Variants in DHX57 observed in about 807,000 individuals in gnomAD.
DHX57 encodes putative ATP-dependent RNA helicase DHX57.
A neutral mutation model predicts 156.2 loss-of-function variants in DHX57; 105 were observed. The ratio of observed to expected loss-of-function variants is 0.67; its 90% confidence interval spans 0.57 to 0.79. DHX57 has a LOEUF of 0.79. Ranked by LOEUF, DHX57 falls within the 30% of genes least tolerant of loss-of-function variation. DHX57 has a pLI of 0.00. For synonymous variants in DHX57, 704 were observed against 595.6 expected (o/e 1.18, Z -2.65); for missense variants, 1,847 against 1,661.9 (o/e 1.11, Z -1.94).
At chr2:38,872,096 C>T (rs1665384255) in intron 1 of DHX57, among the ~76,000 whole-genome samples, 1 of 152,188 alleles carries the variant, frequency 6.6e-6, no homozygotes, top group African/African-American at 2.4e-5. Flanking sequence ...ATCGAATTAC[C>T]TGTTATTAGG....
intron 23 of DHX57, among the ~76,000 whole-genome samples, chr2:38,798,662 C>A (rs188993576): frequency 2.6e-5 from 4 of 152,072 alleles, no homozygotes; most frequent in African/African-American, 7.2e-5. Flanking sequence ...AGAAAAGATT[C>A]GGGCCAGGCG....
intron 16 of DHX57, 32 bp downstream of exon 16, chr2:38,825,815 T>G (rs1267478833): frequency 6.2e-7 from 1 of 1,609,658 alleles, no homozygotes; most frequent in Non-Finnish European, 8.5e-7. Flanking sequence ...TTTAGACCTT[T>G]TGGAAGCAAA....
chr2:38,811,750 G>T, intron 21 of DHX57: 2 of 521,126 alleles, frequency 3.8e-6, no homozygotes, highest in Non-Finnish European at 7.0e-6. Context: ...GCAGGCAACA[G>T]AGCAGGGCCC....
intron 21 of DHX57, chr2:38,811,422 C>A (rs1178277208): frequency 1.0e-5 from 6 of 594,248 alleles, no homozygotes; most frequent in Admixed American, 8.1e-5. Flanking sequence ...AGGTAGCAGT[C>A]CTCATACAGG....
Position 38,868,296 on chromosome 2 carries a change from C to G in DHX57, c.110G>C (p.Gly37Ala). The G allele has an allele frequency of 6.2e-7, 1 of 1,614,092 alleles. No homozygotes were observed. Among genetic ancestry groups the G allele is most frequent in the East Asian group, 2.2e-5 (1 of 44,890 alleles). Residue 37 changes from glycine to alanine, a missense_variant, in exon 2 of 24, where the codon GGT becomes GCT. Transcript: ENST00000457308. ...RSHASKSHGSGGGGGGGGGGG... is the reference protein window; with the variant it reads ...RSHASKSHGSAGGGGGGGGGG... Reference sequence around the variant, plus strand: ...ACCACCACCACCACCGCCACCGCCACCACTCCCATGAGATTTACTGGCGTG... The same window carrying G: ...ACCACCACCACCACCGCCACCGCCAGCACTCCCATGAGATTTACTGGCGTG...
intron 17 of DHX57, among the ~76,000 whole-genome samples, chr2:38,822,415 T>C (rs77626035): frequency 2.0e-5 from 3 of 150,002 alleles, no homozygotes; most frequent in South Asian, 4.3e-4. Context: ...TTTTTTTTTT[T>C]AGACGGAGCC....
chr2:38,803,166 T>G, intron 22 of DHX57: 1 of 428,000 alleles, frequency 2.3e-6, no homozygotes, highest in Non-Finnish European at 4.3e-6. Flanking sequence ...TTCGTAGAGA[T>G]AGGGTCTCAC....
intron 5 of DHX57, among the ~76,000 whole-genome samples, chr2:38,860,657 G>A (rs1401291319): frequency 6.6e-6 from 1 of 152,160 alleles, no homozygotes; most frequent in African/African-American, 2.4e-5. Context: ...TCAGTATACA[G>A]TATAAGAAGT....
At chr2:38,825,819 A>G (rs778502834) in intron 16 of DHX57, 28 bp downstream of exon 16, 9 of 1,611,106 alleles carry the variant, frequency 5.6e-6, no homozygotes, top group African/African-American at 1.3e-5. Context: ...GACCTTTTGG[A>G]AGCAAAACAC....
chr2:38,864,006 C>T (rs144833959), intron 2 of DHX57, among the ~76,000 whole-genome samples: 73 of 150,212 alleles, frequency 4.9e-4, no homozygotes, highest in African/African-American at 1.7e-3. Context: ...AGCGAGATTC[C>T]GTTTAAAAAA....
At chr2:38,860,524 G>C (rs1202146485) in intron 5 of DHX57, among the ~76,000 whole-genome samples, 1 of 152,158 alleles carries the variant, frequency 6.6e-6, no homozygotes, top group East Asian at 1.9e-4. Flanking sequence ...ACAAGTATTT[G>C]AGGATTTAGG....
At chr2:38,844,782 T>C (rs936254880) in intron 11 of DHX57, among the ~76,000 whole-genome samples, 1 of 151,198 alleles carries the variant, frequency 6.6e-6, no homozygotes, top group African/African-American at 2.5e-5. Flanking sequence ...GAAAAAGAAA[T>C]ACAGATAGTA....
Position 38,802,095 on chromosome 2 carries a change from T to C in DHX57, c.4017+620A>G, listed in dbSNP as rs572581459. ...TTTTCTGACTTTTCTTTGGTGAACA[T>C]CTATTATTTATATAACAATAAGGAA... On this transcript the variant is annotated intron_variant, in intron 23 of 23. Transcript: ENST00000457308. Among the ~76,000 whole-genome samples, 262 of 152,284 alleles carry C rather than the reference T, an allele frequency of 1.7e-3. 3 individuals carry two copies. The South Asian group carries it at 0.019, about 11-fold the overall frequency.
chr2:38,808,246 C>A (rs1356056579), intron 21 of DHX57, among the ~76,000 whole-genome samples: 1 of 151,970 alleles, frequency 6.6e-6, no homozygotes, highest in Non-Finnish European at 1.5e-5. Context: ...AGCCACTGCA[C>A]CCAGCCAGTA....
chr2:38,843,561 C>A (rs1485746882), intron 11 of DHX57, among the ~76,000 whole-genome samples: 1 of 152,142 alleles, frequency 6.6e-6, no homozygotes, highest in African/African-American at 2.4e-5. Context: ...TATGATAATT[C>A]CCAGGCAGCT....
intron 17 of DHX57, 51 bp from the exon 18 acceptor site, chr2:38,819,195 G>C (rs1670694027): frequency 6.4e-7 from 1 of 1,562,182 alleles, no homozygotes; most frequent in African/African-American, 1.4e-5. Flanking sequence ...TTTTTTCAAA[G>C]ACAGGGTCTT....
intron 11 of DHX57, among the ~76,000 whole-genome samples, chr2:38,845,171 G>A (rs1235182445): frequency 6.6e-6 from 1 of 151,730 alleles, no homozygotes; most frequent in Non-Finnish European, 1.5e-5. Flanking sequence ...CACTCAGCCT[G>A]GGTGACAGAG....
At chr2:38,830,576 C>T (rs1384749544) in intron 13 of DHX57, among the ~76,000 whole-genome samples, 1 of 151,842 alleles carries the variant, frequency 6.6e-6, no homozygotes, top group African/African-American at 2.4e-5. Flanking sequence ...TTGCAGTGAG[C>T]CGAGACCATG....
rs911128025 is a variant in DHX57, at chr2:38,863,267, C to T, written c.383+94G>A. Reference sequence around the variant, plus strand: ...ACTAATTAAATGGCCACAATAGAATCAGTACTGACACAGCATTCCAAAGAT... The same window carrying T: ...ACTAATTAAATGGCCACAATAGAATTAGTACTGACACAGCATTCCAAAGAT... On this transcript the variant is annotated intron_variant, in intron 3 of 23. Coordinates refer to ENST00000457308, the MANE Select transcript of DHX57 (RefSeq NM_198963.3). 9 of 1,287,336 alleles carry T rather than the reference C, an allele frequency of 7.0e-6. No individual in the cohort carries two copies. In the African/African-American group the frequency reaches 1.3e-4, roughly 19 times the overall value. The allele number at this position is 1,287,336 out of a possible 1,614,324, so 79.7% of individuals were successfully genotyped here. A position where few individuals can be genotyped will look rare whatever the true frequency, so the allele number is the denominator to read the frequency against.
Sources: allele counts gnomAD v4.1 joint callset (sites outside exome capture counted in the v4.1 genomes callset), GRCh38; gene constraint gnomAD v4.1.1; transcripts MANE v1.5; gene names NCBI Gene and HGNC (gene_info 2026-07-23, HGNC 2026-07-21).